The following SMARCC2 variants were observed in gnomAD, a reference collection of about 807,000 sequenced individuals.
SMARCC2 encodes the protein SWI/SNF related BAF chromatin remodeling complex subunit C2, also known as SWI/SNF complex subunit SMARCC2.
In SMARCC2, 15 loss-of-function variants were observed where a neutral mutation model predicts 151.3. The observed-to-expected ratio is 0.10, with a 90% CI of 0.07 to 0.15. The LOEUF (loss-of-function observed/expected upper bound fraction) is 0.15. Among genes scored for constraint, SMARCC2 ranks in the 10% least tolerant of loss-of-function variants. SMARCC2 has a pLI of 1.00. For missense variants in SMARCC2, 1,031 were observed against 1,599.7 expected, an observed-to-expected ratio of 0.64 and a Z score of 6.06; for synonymous variants, 590 against 609.5, an observed-to-expected ratio of 0.97 and a Z score of 0.47.
intron 11 of SMARCC2, 39 bp from the exon 12 acceptor site, chr12:56,179,095 C>T (rs774578092): frequency 5.9e-5 from 94 of 1,593,288 alleles, no homozygotes; most frequent in Non-Finnish European, 7.5e-5. Context: ...ACAGATTTTG[C>T]CTAATTCAAG....
chr12:56,182,942 T>G, intron 7 of SMARCC2, among the ~76,000 whole-genome samples: 1 of 150,350 alleles, frequency 6.7e-6, no homozygotes, highest in African/African-American at 2.5e-5. Flanking sequence ...CAAGCAATCC[T>G]CCCACCTCAG....
At chr12:56,184,107 G>A in intron 6 of SMARCC2, 68 bp downstream of exon 6, 1 of 1,231,494 alleles carries the variant, frequency 8.1e-7, no homozygotes, top group South Asian at 1.2e-5. Flanking sequence ...GTACTGAATG[G>A]TGATCTTAGT....
intron 5 of SMARCC2, chr12:56,184,476 C>A: frequency 3.5e-6 from 2 of 565,532 alleles, no homozygotes; most frequent in South Asian, 4.6e-5. Flanking sequence ...AACAGATAAT[C>A]TATACATGGG....
At chr12:56,163,895 T>G (rs1872264105) in intron 28 of SMARCC2, 130 bp from the exon 29 acceptor site, 2 of 576,632 alleles carry the variant, frequency 3.5e-6, no homozygotes, top group Admixed American at 3.9e-5. Context: ...ACCCATAATG[T>G]TCAACTTCTG....
chr12:56,180,994 A>G lies in SMARCC2; in HGVS notation c.1064T>C (p.Val355Ala). The G allele has an allele frequency of 6.2e-7, 1 of 1,612,156 alleles. No individual in the cohort carries two copies. The highest frequency in any genetic ancestry group is 8.5e-7 in the Non-Finnish European group (1 of 1,178,978). Residue 355 changes from valine (V) to alanine (A), a missense_variant, in exon 11 of 29, where the codon GTG becomes GCG. Coordinates refer to ENST00000550164, the MANE Select transcript of SMARCC2 (RefSeq NM_001330288.2). ...EPSPVPNVEEVTLPKTVNTKK... is the reference protein window; with the variant it reads ...EPSPVPNVEEATLPKTVNTKK... Reference sequence around the variant, plus strand: ...GCCTGTACCTGTTTTGGGAAGTGTCACCTCTTCTACATTGGGGACTGGTGA... The same window carrying G: ...GCCTGTACCTGTTTTGGGAAGTGTCGCCTCTTCTACATTGGGGACTGGTGA...
chr12:56,167,975 C>G (rs1873153223), intron 26 of SMARCC2, 85 bp downstream of exon 26: 1 of 1,286,204 alleles, frequency 7.8e-7, no homozygotes, highest in Non-Finnish European at 1.1e-6. Context: ...CACACACACA[C>G]ACACACACAC....
Position 56,173,699 on chromosome 12 carries a change from A to G in SMARCC2, c.1647T>C (p.Pro549=). The G allele has an allele frequency of 6.2e-7, 1 of 1,610,740 alleles. No individual in the cohort carries two copies. ...TCCCCATAGCACCTCACCCTACCTG[A>G]GGTGTCTTGGGCTGCAGAGGCACCA... The part of the protein sequence containing the change: ...SGLVPLQPKT[P]QGRQVDADTK... Residue 549 remains proline (P), a synonymous_variant, in exon 17 of 29, where the codon CCT becomes CCC. Transcript: ENST00000550164.
At chr12:56,167,951 A>AACAAAC in intron 26 of SMARCC2, 109 bp downstream of exon 26, 1 of 688,526 alleles carries the variant, frequency 1.5e-6, no homozygotes. Flanking sequence ...CTTTCACTGA[A>AACAAAC]ACACACACAC....
rs565655106 is a variant in SMARCC2 at position 56,167,869 on chromosome 12, T to C, written c.2850+191A>G. 2.7e-5 allele frequency among the ~76,000 whole-genome samples: 4 copies of C among 147,886 alleles called. No individual in the cohort carries two copies. The South Asian group carries it at 8.3e-4, about 31-fold the overall frequency. ...CCTGTCTGTCTCAGGCTTTCCCCAC[T>C]GTTGCTTATCTTTCACTGAAACACA... On this transcript the variant is annotated intron_variant, in intron 26 of 28. Coordinates refer to ENST00000550164, the MANE Select transcript of SMARCC2 (RefSeq NM_001330288.2).
At chr12:56,166,587 TTTC>T (rs755308669) in intron 26 of SMARCC2, among the ~76,000 whole-genome samples, 5 of 150,824 alleles carry the variant, frequency 3.3e-5, no homozygotes, top group Admixed American at 6.6e-5. Flanking sequence ...TCTATTTCTT[TTTC>T]TTCTTTTTTT....
chr12:56,178,338 G>C (rs972913561), intron 14 of SMARCC2, 66 bp downstream of exon 14: 4 of 1,571,988 alleles, frequency 2.5e-6, no homozygotes, highest in African/African-American at 2.7e-5. Context: ...GCAGGGAGAA[G>C]AACAGCCTGT....
At chr12:56,180,529 G>A (rs1191185716) in intron 11 of SMARCC2, among the ~76,000 whole-genome samples, 2 of 151,622 alleles carry the variant, frequency 1.3e-5, no homozygotes, top group East Asian at 1.9e-4. Context: ...TCGGTCTCCC[G>A]AGTAGCTGGG....
In SMARCC2 at chr12:56,169,693, C is replaced by T. The variant is rs757216885; in HGVS notation, c.2551G>A (p.Asp851Asn). 19 of 1,614,110 alleles carry T rather than the reference C, an allele frequency of 1.2e-5. No individual in the cohort carries two copies. Among genetic ancestry groups the T allele is most frequent in the East Asian group, 6.7e-5 (3 of 44,874 alleles). Residue 851 changes from aspartate (D) to asparagine (N), a missense_variant and splice_region_variant, in exon 25 of 29, where the codon GAT becomes AAT. Around this residue, in one of 12 missense-constraint regions of SMARCC2, gnomAD observed 119 missense variants for 184.2 expected, o/e 0.65. Coordinates refer to ENST00000550164, the MANE Select transcript of SMARCC2 (RefSeq NM_001330288.2). ...TTTGGCTCCTTCTCCTTCTCAGGAT[C>T]GACTGGGCCAGGACAAGGGTTGAGT... ...SEKSDGDPIV[D>N]PEKEKEPKEG...
intron 26 of SMARCC2, among the ~76,000 whole-genome samples, chr12:56,166,302 G>A (rs1273642851): frequency 6.6e-6 from 1 of 151,720 alleles, no homozygotes; most frequent in Admixed American, 6.6e-5. Context: ...CCAGCATGCC[G>A]GGCTAATTTT....
rs1872414994 is a variant in SMARCC2, at chr12:56,164,530, G to T, written c.3434C>A (p.Pro1145His). The stretch of plus-strand genomic sequence containing the variant: ...ATGGTGGTGATGCCCATGCAGGTTA[G>T]GAGGAGCGGGGAGGTTAATACTGAT... ...DSISINLPAP[P>H]NLHGHHHHLP... The change falls in exon 28 of 29, where the codon CCT becomes CAT. Residue 1145 changes from proline (P) to histidine (H), a missense_variant. By Grantham distance (77) the Pro-to-His change is moderately conservative. Transcript: ENST00000550164. 6.2e-7 allele frequency: 1 copy of T among 1,614,026 alleles called. No homozygotes were observed. The highest frequency in any genetic ancestry group is 1.3e-5 in the African/African-American group (1 of 74,948).
Position 56,171,515 on chromosome 12 carries a change from C to T in SMARCC2, c.2186-83G>A. On this transcript the variant is annotated intron_variant, in intron 21 of 28. Transcript: ENST00000550164. The surrounding 1 kb of genome is among the most constrained non-coding windows in gnomAD (Gnocchi z 4.2). Reference sequence around the variant, plus strand: ...CCCTGCAAAAGCTTACTCACAAGCCCATGTCTTCATCTAAGCTAGTATGGA... The same window carrying T: ...CCCTGCAAAAGCTTACTCACAAGCCTATGTCTTCATCTAAGCTAGTATGGA... 6.4e-7 allele frequency: 1 copy of T among 1,573,516 alleles called. No homozygotes were observed. The highest frequency in any genetic ancestry group is 8.7e-7 in the Non-Finnish European group (1 of 1,148,466).
At chr12:56,178,921 G>A in intron 12 of SMARCC2, 74 bp from the exon 13 acceptor site, 1 of 1,602,500 alleles carries the variant, frequency 6.2e-7, no homozygotes, top group Non-Finnish European at 8.5e-7. Context: ...AGCCCATCAG[G>A]CTAGCGAAAA....
intron 26 of SMARCC2, among the ~76,000 whole-genome samples, chr12:56,167,570 C>G (rs751259298): frequency 6.6e-5 from 10 of 152,230 alleles, no homozygotes; most frequent in Non-Finnish European, 1.3e-4. Context: ...GTCCCATTCC[C>G]TTTCCAAGTT....
rs762136986 is a variant in SMARCC2, at chr12:56,164,740, A to G, written c.3233-9T>C. The G allele has an allele frequency of 6.2e-5, 98 of 1,592,520 alleles. No homozygotes were observed. Among genetic ancestry groups the G allele is most frequent in the Non-Finnish European group, 7.9e-5 (92 of 1,168,498 alleles). ...GGGGAACGGTGAGGGGCCTGAGAAT[A>G]AAGATGAGAGATGGAGAAAATTAGG... is the stretch of plus-strand genomic sequence containing the variant. On this transcript the variant is annotated splice_polypyrimidine_tract_variant and intron_variant, in intron 27 of 28. Transcript: ENST00000550164.
Sources: allele counts gnomAD v4.1 joint callset (sites outside exome capture counted in the v4.1 genomes callset), GRCh38; gene constraint gnomAD v4.1.1; regional missense constraint gnomAD v4.1.1; non-coding constraint Gnocchi (gnomAD v3.1); transcripts MANE v1.5; gene names NCBI Gene and HGNC (gene_info 2026-07-23, HGNC 2026-07-21).